PTPRK: variants seen among roughly 807,000 people sequenced by gnomAD.
PTPRK encodes protein tyrosine phosphatase receptor type K.
PTPRK carries 75 observed loss-of-function variants against 178.0 expected under a neutral mutation model. The observed-to-expected ratio is 0.42, with a 90% CI of 0.35 to 0.51. The LOEUF (loss-of-function observed/expected upper bound fraction) is 0.51. Ranked by LOEUF, PTPRK falls within the 20% of genes least tolerant of loss-of-function variation. The pLI, the probability that PTPRK is intolerant of heterozygous loss-of-function variation, is 0.02. For missense variants in PTPRK, 1,441 were observed against 1,797.8 expected, an observed-to-expected ratio of 0.80 and a Z score of 3.59; for synonymous variants, 637 against 620.6, an observed-to-expected ratio of 1.03 and a Z score of -0.39.
intron 2 of PTPRK, among the ~76,000 whole-genome samples, chr6:128,343,165 C>T (rs770471602): frequency 6.6e-6 from 1 of 151,886 alleles, no homozygotes; most frequent in African/African-American, 2.4e-5. Context: ...TTCTGGATAT[C>T]GTAACGCAGT....
intron 3 of PTPRK, among the ~76,000 whole-genome samples, chr6:128,291,395 G>GA (rs1317129929): frequency 6.6e-6 from 1 of 152,098 alleles, no homozygotes; most frequent in African/African-American, 2.4e-5. Flanking sequence ...TACTGACCTA[G>GA]AACTGTAAGA....
intron 11 of PTPRK, among the ~76,000 whole-genome samples, chr6:128,074,061 T>C (rs925137508): frequency 1.3e-5 from 2 of 152,070 alleles, no homozygotes; most frequent in African/African-American, 4.8e-5. Flanking sequence ...TCAGTGAACT[T>C]AGAACATCAG....
rs1799704424 is a variant in PTPRK at position 128,168,289 on chromosome 6, G to A, written c.1162+16143C>T. On this transcript the variant is annotated intron_variant, in intron 7 of 29. Transcript: ENST00000368226. ...AGCCCTAAGTGTTGGTGAGGTGGTA[G>A]AGAAAAGGAACCCTTGTTCTCTTTT... is the stretch of plus-strand genomic sequence containing the variant. Among the ~76,000 whole-genome samples the A allele has an allele frequency of 2.6e-5, 4 of 152,160 alleles. No individual in the cohort carries two copies. The South Asian group carries it at 8.3e-4, about 32-fold the overall frequency.
intron 15 of PTPRK, chr6:128,000,401 T>G: frequency 1.0e-6 from 1 of 998,666 alleles, no homozygotes; most frequent in Non-Finnish European, 1.3e-6. Flanking sequence ...TTGATTGCAT[T>G]TATCTTTACT....
chr6:128,364,673 A>T (rs1004726404), intron 2 of PTPRK, among the ~76,000 whole-genome samples: 2 of 152,058 alleles, frequency 1.3e-5, no homozygotes, highest in Non-Finnish European at 2.9e-5. Flanking sequence ...AGCAGCAATT[A>T]TTGGGTATTT....
chr6:128,014,669 A>C lies in PTPRK; in HGVS notation c.2195-5401T>G, dbSNP rs569530687. On this transcript the variant is annotated intron_variant, in intron 13 of 29. Transcript: ENST00000368226. ...AGGAAAAATGAAATTACTGAAAAAC[A>C]GCTTTTAAAAAATCTTAGCTGCCTA... Among the ~76,000 whole-genome samples, 6 of 151,724 alleles carry C rather than the reference A, an allele frequency of 4.0e-5. No individual in the cohort carries two copies. In the East Asian group the frequency reaches 1.2e-3, roughly 29 times the overall value.
chr6:128,243,509 A>AAAAAAGAAAAG (rs1814880176), intron 3 of PTPRK, among the ~76,000 whole-genome samples: 1 of 137,630 alleles, frequency 7.3e-6, no homozygotes, highest in South Asian at 2.1e-4. Flanking sequence ...AAAAAAAAAA[A>AAAAAAGAAAAG]AAAAGAAAAG....
intron 3 of PTPRK, among the ~76,000 whole-genome samples, chr6:128,258,947 T>C (rs1817764173): frequency 1.3e-5 from 2 of 152,158 alleles, no homozygotes; most frequent in Non-Finnish European, 1.5e-5. Context: ...ATTGACTCCA[T>C]TGAGAAGCCA....
chr6:128,179,108 T>C (rs1042470321), intron 7 of PTPRK, among the ~76,000 whole-genome samples: 1 of 151,958 alleles, frequency 6.6e-6, no homozygotes, highest in African/African-American at 2.4e-5. Context: ...AAAATATCAT[T>C]AATGTTTACG....
chr6:128,103,706 C>T (rs563842615), intron 7 of PTPRK, among the ~76,000 whole-genome samples: 1 of 152,278 alleles, frequency 6.6e-6, no homozygotes, highest in East Asian at 1.9e-4. Context: ...TAGAATCTGT[C>T]CACTTGACCA....
chr6:128,123,121 A>G (rs1049186588), intron 7 of PTPRK, among the ~76,000 whole-genome samples: 6 of 152,204 alleles, frequency 3.9e-5, no homozygotes, highest in Admixed American at 3.9e-4. Flanking sequence ...GAGAAAACAG[A>G]AACATAGGAA....
chr6:128,501,391 T>TCACACACA (rs67621491), intron 1 of PTPRK, among the ~76,000 whole-genome samples: 166 of 145,668 alleles, frequency 1.1e-3, no homozygotes, highest in African/African-American at 3.8e-3. Context: ...TAAACTCAAA[T>TCACACACA]CACACACACA....
Position 127,969,037 on chromosome 6 carries a change from A to T in PTPRK, c.*1190T>A, listed in dbSNP as rs368019692. 1.1e-4 allele frequency: 16 copies of T among 152,354 alleles called. No homozygotes were observed. In the East Asian group the frequency reaches 2.3e-3, roughly 22 times the overall value. The allele number at this position is 152,354 out of a possible 1,614,324, so 9.4% of individuals were successfully genotyped here. The stretch of plus-strand genomic sequence containing the variant: ...TTTGTTCACACTTTTTATAGTCAGA[A>T]CGCAAAGCTTGTGCATGTAAACATC... On this transcript the variant is annotated 3_prime_UTR_variant, in exon 30 of 30. Coordinates refer to ENST00000368226, the MANE Select transcript of PTPRK (RefSeq NM_002844.4).
chr6:128,007,291 T>C (rs13218723), intron 14 of PTPRK, among the ~76,000 whole-genome samples: 1 of 150,782 alleles, frequency 6.6e-6, no homozygotes, highest in East Asian at 1.9e-4. Context: ...TATTAGAAGG[T>C]AACATATCTA....
At chr6:128,382,675 A>C (rs1838116090) in intron 2 of PTPRK, among the ~76,000 whole-genome samples, 1 of 151,990 alleles carries the variant, frequency 6.6e-6, no homozygotes, top group African/African-American at 2.4e-5. Context: ...CCTAGCCTCA[A>C]GTGATCCTCC....
intron 3 of PTPRK, among the ~76,000 whole-genome samples, chr6:128,251,639 A>G (rs1816471351): frequency 6.6e-6 from 1 of 152,210 alleles, no homozygotes; most frequent in Non-Finnish European, 1.5e-5. Context: ...AGCAGGAGCT[A>G]CAGTATAGGT....
intron 2 of PTPRK, among the ~76,000 whole-genome samples, chr6:128,354,096 CT>C (rs1412355483): frequency 6.6e-6 from 1 of 151,724 alleles, no homozygotes; most frequent in Non-Finnish European, 1.5e-5. Context: ...TAATGCTACC[CT>C]TGTTTTCTTG....
rs1331801705 is a variant in PTPRK, at chr6:128,001,315, A to G, written c.2495-2411T>C. 2.6e-5 allele frequency: 20 copies of G among 757,996 alleles called. 1 individual carries two copies. Among genetic ancestry groups the G allele is most frequent in the Non-Finnish European group, 3.1e-5 (15 of 490,118 alleles). The allele number at this position is 757,996 out of a possible 1,614,324, so 47.0% of individuals were successfully genotyped here. ...AGTATTAGCATTAAGCAATATTTGA[A>G]GTGATTTCAGAAACTGCATTATAAA... On this transcript the variant is annotated intron_variant, in intron 15 of 29. Transcript: ENST00000368226.
chr6:128,172,385 G>A (rs1800393479), intron 7 of PTPRK, among the ~76,000 whole-genome samples: 1 of 151,694 alleles, frequency 6.6e-6, no homozygotes, highest in South Asian at 2.1e-4. Flanking sequence ...TCTCTTCACT[G>A]AAAGAGAGAT....
Sources: allele counts gnomAD v4.1 joint callset (sites outside exome capture counted in the v4.1 genomes callset), GRCh38; gene constraint gnomAD v4.1.1; transcripts MANE v1.5; gene names NCBI Gene and HGNC (gene_info 2026-07-23, HGNC 2026-07-21).